The following MDN1 variants were observed in gnomAD, a reference collection of about 807,000 sequenced individuals.
MDN1 encodes the protein midasin AAA ATPase 1.
A neutral mutation model predicts 669.2 loss-of-function variants in MDN1; 266 were observed. That is an observed-to-expected ratio of 0.40 (90% CI 0.36 to 0.44). The LOEUF (loss-of-function observed/expected upper bound fraction) is 0.44. Among genes scored for constraint, MDN1 ranks in the 20% least tolerant of loss-of-function variants. MDN1 has a pLI of 1.00. For missense variants in MDN1, 5,940 were observed against 6,754.0 expected, an observed-to-expected ratio of 0.88 and a Z score of 4.22; for synonymous variants, 2,385 against 2,457.1, an observed-to-expected ratio of 0.97 and a Z score of 0.87.
At position 89,688,855 on chromosome 6, in the gene MDN1, T is replaced by C; in HGVS notation, c.11024-47A>G. The C allele has an allele frequency of 2.0e-6, 3 of 1,482,380 alleles. No homozygotes were observed. The South Asian group carries it at 3.5e-5, about 17-fold the overall frequency. The allele number at this position is 1,482,380 out of a possible 1,614,324, so 91.8% of individuals were successfully genotyped here. On this transcript the variant is annotated intron_variant, in intron 65 of 101. Transcript: ENST00000369393. ...AAAGTCAGTGAATTCAGTAAGTTGA[T>C]CTATCAACATGTCAAAAAGATGTCA...
chr6:89,736,799 C>T (rs746471722), intron 33 of MDN1, among the ~76,000 whole-genome samples: 3 of 152,118 alleles, frequency 2.0e-5, no homozygotes, highest in Non-Finnish European at 4.4e-5. Context: ...CCCCACAACC[C>T]CCCAGAAAAG....
At position 89,671,040 on chromosome 6, in the gene MDN1, G is replaced by A. The variant is rs1810715696; in HGVS notation, c.13835C>T (p.Pro4612Leu). 2.5e-6 allele frequency: 4 copies of A among 1,613,898 alleles called. No homozygotes were observed. Among genetic ancestry groups the A allele is most frequent in the South Asian group, 1.1e-5 (1 of 91,068 alleles). Reference protein sequence around the residue: ...QSCSLLVRLVPVLSSYSDLVL... With the variant: ...QSCSLLVRLVLVLSSYSDLVL... ...GAGGTCTGAGTAGCTGGAGAGGACC[G>A]GCACCAGGCGCACCAGCAAGGAACA... Residue 4612 changes from proline (P) to leucine (L), a missense_variant, in exon 83 of 102, where the codon CCG (proline) becomes CTG (leucine). Physicochemically the swap from Pro to Leu is moderately conservative, Grantham distance 98 (BLOSUM62 -3). Around this residue, in one of 5 missense-constraint regions of MDN1, gnomAD observed 2,280 missense variants for 2,576.3 expected, o/e 0.88. Transcript: ENST00000369393.
intron 9 of MDN1, 50 bp downstream of exon 9, chr6:89,784,962 C>T (rs200366319): frequency 1.6e-4 from 189 of 1,210,674 alleles, no homozygotes; most frequent in Admixed American, 9.0e-4. Flanking sequence ...CTATTTCACG[C>T]GGGAGCCACT....
chr6:89,707,259 G>T, intron 52 of MDN1, 102 bp downstream of exon 52: 1 of 793,378 alleles, frequency 1.3e-6, no homozygotes, highest in Non-Finnish European at 2.1e-6. Flanking sequence ...CAGATTAAAA[G>T]AAACCAGTAA....
At chr6:89,741,713 T>C (rs1816308214) in intron 31 of MDN1, among the ~76,000 whole-genome samples, 1 of 152,184 alleles carries the variant, frequency 6.6e-6, no homozygotes, top group Non-Finnish European at 1.5e-5. Flanking sequence ...CAACAGGTCT[T>C]ATGATCCCAT....
chr6:89,781,811 G>C (rs1211757895), intron 9 of MDN1, among the ~76,000 whole-genome samples: 1 of 152,086 alleles, frequency 6.6e-6, no homozygotes, highest in South Asian at 2.1e-4. Context: ...GCAACATGGT[G>C]AAACATCATC....
intron 1 of MDN1, among the ~76,000 whole-genome samples, chr6:89,817,877 T>G (rs1768949056): frequency 6.6e-6 from 1 of 152,152 alleles, no homozygotes; most frequent in Non-Finnish European, 1.5e-5. Context: ...AACAGAATGC[T>G]TAGCAGCGTC....
In MDN1 at chr6:89,815,413, C is replaced by G. The variant is rs572632560; in HGVS notation, c.102+4093G>C. The G allele has an allele frequency of 1.2e-4, 46 of 380,540 alleles. 1 individual carries two copies. The East Asian group carries it at 3.6e-3, about 30-fold the overall frequency. 23.6% of individuals were successfully genotyped at this position (380,540 alleles called of 1,614,324 possible). A position where few individuals can be genotyped will look rare whatever the true frequency, so the allele number is the denominator to read the frequency against. On this transcript the variant is annotated intron_variant, in intron 1 of 101. Coordinates refer to ENST00000369393, the MANE Select transcript of MDN1 (RefSeq NM_014611.3). ...GGAAGTGCCCTGCAGGAAACAAGCC[C>G]TGTCTGACCACCAAGGCTTCGTACC...
At chr6:89,712,901 C>A in intron 47 of MDN1, 115 bp from the exon 48 acceptor site, 1 of 943,502 alleles carries the variant, frequency 1.1e-6, no homozygotes, top group South Asian at 1.7e-5. Context: ...TTAATACACT[C>A]TTCAATGAAA....
intron 76 of MDN1, 140 bp downstream of exon 76, chr6:89,677,430 C>T: frequency 9.5e-7 from 1 of 1,051,760 alleles, no homozygotes; most frequent in Non-Finnish European, 1.4e-6. Context: ...GGAGTCAGAT[C>T]CTGAGCCAGG....
chr6:89,693,099 A>G lies in MDN1; in HGVS notation c.9931T>C (p.Leu3311=). ...TGGGGTCTAAAGGCCTGTTTCTTCAACAGGTGACAGGTTAAATTATCCAGC... is the reference window on the plus strand; with the variant it reads ...TGGGGTCTAAAGGCCTGTTTCTTCAGCAGGTGACAGGTTAAATTATCCAGC... ...DRLDNLTCHL[L]KKQAFRPQLP... is the part of the protein sequence containing the mutation. Residue 3311 remains leucine, a synonymous_variant, in exon 63 of 102, where the codon TTG becomes CTG. Coordinates refer to ENST00000369393, the MANE Select transcript of MDN1 (RefSeq NM_014611.3). 1 of 1,611,544 alleles carries G rather than the reference A, an allele frequency of 6.2e-7. No individual in the cohort carries two copies. Among genetic ancestry groups the G allele is most frequent in the Non-Finnish European group, 8.5e-7 (1 of 1,179,098 alleles).
chr6:89,702,551 C>T (rs1223125736), intron 53 of MDN1, among the ~76,000 whole-genome samples: 1 of 152,238 alleles, frequency 6.6e-6, no homozygotes, highest in Non-Finnish European at 1.5e-5. Context: ...ACTGATGACA[C>T]TGCAATTTTT....
chr6:89,801,070 T>C (rs538362843), intron 2 of MDN1, among the ~76,000 whole-genome samples: 1 of 152,312 alleles, frequency 6.6e-6, no homozygotes, highest in East Asian at 1.9e-4. Context: ...TAGGTAAAAC[T>C]TAGAAATAAG....
At chr6:89,726,482 G>GAAAAAAAAAAAAAAAAAAAAA (rs201576721) in intron 37 of MDN1, among the ~76,000 whole-genome samples, 4 of 90,940 alleles carry the variant, frequency 4.4e-5, no homozygotes, top group East Asian at 3.0e-4. Context: ...AAGAAAAATA[G>GAAAAAAAAAAAAAAAAAAAAA]AAAAAAAAAA....
At chr6:89,773,995 A>G (rs961503814) in intron 13 of MDN1, among the ~76,000 whole-genome samples, 1 of 151,870 alleles carries the variant, frequency 6.6e-6, no homozygotes, top group African/African-American at 2.4e-5. Context: ...AAAAGAAAAG[A>G]AAGAAAGAAA....
At chr6:89,644,305 GCATATGAACCTA>G in intron 101 of MDN1, 112 bp from the exon 102 acceptor site, 2 of 816,008 alleles carry the variant, frequency 2.5e-6, no homozygotes, top group South Asian at 4.1e-5. Context: ...TCTTATTCCT[GCATATGAACCTA>G]CCTTTTATTA....
chr6:89,724,610 C>A (rs1815085077), intron 38 of MDN1, among the ~76,000 whole-genome samples: 1 of 152,154 alleles, frequency 6.6e-6, no homozygotes, highest in South Asian at 2.1e-4. Context: ...AGATACTCAG[C>A]CAATTCTTAA....
chr6:89,687,285 T>A, intron 68 of MDN1, 59 bp downstream of exon 68: 1 of 1,470,390 alleles, frequency 6.8e-7, no homozygotes, highest in Non-Finnish European at 9.4e-7. Flanking sequence ...AAATTTAAAC[T>A]ACCAAAAGAC....
At chr6:89,699,813 T>A in intron 57 of MDN1, 86 bp from the exon 58 acceptor site, 1 of 1,407,586 alleles carries the variant, frequency 7.1e-7, no homozygotes, top group Non-Finnish European at 9.8e-7. Flanking sequence ...AGGTGTAACA[T>A]AAAACTTACA....
Sources: allele counts gnomAD v4.1 joint callset (sites outside exome capture counted in the v4.1 genomes callset), GRCh38; gene constraint gnomAD v4.1.1; regional missense constraint gnomAD v4.1.1; transcripts MANE v1.5; gene names NCBI Gene and HGNC (gene_info 2026-07-23, HGNC 2026-07-21).